The following RAB7B variants were observed in gnomAD, a reference collection of about 807,000 sequenced individuals.
RAB7B encodes RAB7B, member RAS oncogene family.
intron 1 of RAB7B, among the ~76,000 whole-genome samples, chr1:206,002,475 G>C (rs1660906797): frequency 6.6e-6 from 1 of 152,184 alleles, no homozygotes; most frequent in Non-Finnish European, 1.5e-5. Flanking sequence ...CCATCCATCT[G>C]TTCATCTGTC....
chr1:205,985,791 G>GCCCACCAGGCCCACCATC (rs1660590725), intron 4 of RAB7B, 126 bp from the exon 5 acceptor site: 121 of 277,658 alleles, frequency 4.4e-4, no homozygotes, highest in Middle Eastern at 1.8e-3. Flanking sequence ...TCCCCACCAG[G>GCCCACCAGGCCCACCATC]CCCACCATCC....
chr1:205,986,023 T>C (rs1022921132), intron 4 of RAB7B, among the ~76,000 whole-genome samples: 5 of 152,266 alleles, frequency 3.3e-5, no homozygotes, highest in Non-Finnish European at 2.9e-5. Flanking sequence ...TACAGCCCAC[T>C]GCACTTTGTT....
intron 4 of RAB7B, among the ~76,000 whole-genome samples, chr1:205,988,745 C>CGGAG (rs1411128763): frequency 6.6e-6 from 1 of 152,146 alleles, no homozygotes; most frequent in Admixed American, 6.5e-5. Flanking sequence ...GTCCAGGCTG[C>CGGAG]GGAGGCACAT....
At chr1:205,999,269 G>C (rs1357738434) in intron 1 of RAB7B, among the ~76,000 whole-genome samples, 3 of 152,164 alleles carry the variant, frequency 2.0e-5, no homozygotes, top group African/African-American at 7.2e-5. Context: ...CAATGTGTAA[G>C]GCACTCATAC....
intron 1 of RAB7B, among the ~76,000 whole-genome samples, chr1:206,002,081 G>A (rs1274587801): frequency 2.0e-5 from 3 of 152,006 alleles, no homozygotes; most frequent in African/African-American, 7.3e-5. Flanking sequence ...CTCCCCTCCT[G>A]ATCCCATACC....
chr1:205,980,754 C>T (rs1660476874), intron 5 of RAB7B, among the ~76,000 whole-genome samples: 1 of 152,204 alleles, frequency 6.6e-6, no homozygotes, highest in African/African-American at 2.4e-5. Context: ...ATATCTCATG[C>T]TACTGGAGCT....
chr1:205,985,792 C>G, intron 4 of RAB7B, 127 bp from the exon 5 acceptor site: 1 of 418,976 alleles, frequency 2.4e-6, no homozygotes, highest in Non-Finnish European at 4.2e-6. Flanking sequence ...CCCCACCAGG[C>G]CCACCATCCC....
At chr1:205,979,533 A>C (rs1455403046) in intron 5 of RAB7B, among the ~76,000 whole-genome samples, 3 of 151,590 alleles carry the variant, frequency 2.0e-5, no homozygotes, top group African/African-American at 7.3e-5. Flanking sequence ...TCCACTTCTC[A>C]CCAAGAGCCT....
intron 4 of RAB7B, among the ~76,000 whole-genome samples, chr1:205,988,791 G>T (rs1373572833): frequency 6.6e-6 from 1 of 152,166 alleles, no homozygotes; most frequent in Non-Finnish European, 1.5e-5. Context: ...ACATCTGCGG[G>T]ACGGGCTCCG....
intron 4 of RAB7B, among the ~76,000 whole-genome samples, chr1:205,986,041 T>C (rs1660599438): frequency 1.3e-5 from 2 of 152,244 alleles, no homozygotes. Context: ...GTTGCCTTCC[T>C]AAGGCCTAAA....
At chr1:205,997,731 C>G (rs1431274978) in intron 1 of RAB7B, among the ~76,000 whole-genome samples, 1 of 152,142 alleles carries the variant, frequency 6.6e-6, no homozygotes, top group Non-Finnish European at 1.5e-5. Flanking sequence ...AAGCATGGCT[C>G]TCGAAGTATT....
chr1:205,990,664 G>A (rs1660705592), intron 4 of RAB7B, among the ~76,000 whole-genome samples: 2 of 152,156 alleles, frequency 1.3e-5, no homozygotes, highest in African/African-American at 4.8e-5. Flanking sequence ...CAAGACCCTT[G>A]TCATGGGAGG....
At chr1:205,998,035 A>C (rs1256156985) in intron 1 of RAB7B, among the ~76,000 whole-genome samples, 2 of 152,186 alleles carry the variant, frequency 1.3e-5, no homozygotes, top group Non-Finnish European at 2.9e-5. Context: ...CAGGGAGTAA[A>C]TGGAAGAGCT....
chr1:205,992,394 C>T (rs1383236647), intron 4 of RAB7B, 86 bp downstream of exon 4: 8 of 397,920 alleles, frequency 2.0e-5, no homozygotes, highest in African/African-American at 1.2e-4. Flanking sequence ...TGATTCAGCT[C>T]TGTATGTGTG....
chr1:206,001,980 G>A (rs1297166374), intron 1 of RAB7B, among the ~76,000 whole-genome samples: 5 of 152,142 alleles, frequency 3.3e-5, no homozygotes, highest in Non-Finnish European at 7.3e-5. Flanking sequence ...GACAGGAGAC[G>A]AGTGAGCAGG....
intron 4 of RAB7B, among the ~76,000 whole-genome samples, chr1:205,988,454 C>T (rs1046778460): frequency 5.9e-5 from 9 of 152,028 alleles, no homozygotes; most frequent in African/African-American, 1.7e-4. Context: ...AGGATGGTCT[C>T]GAACTCCTGG....
At chr1:205,985,925 C>A (rs1292997432) in intron 4 of RAB7B, among the ~76,000 whole-genome samples, 1 of 144,350 alleles carries the variant, frequency 6.9e-6, no homozygotes, top group African/African-American at 2.6e-5. Context: ...AGCTCCATTT[C>A]ACAGATGAAA....
At chr1:205,989,001 T>C (rs1424037682) in intron 4 of RAB7B, among the ~76,000 whole-genome samples, 1 of 151,948 alleles carries the variant, frequency 6.6e-6, no homozygotes, top group Non-Finnish European at 1.5e-5. Context: ...ACACACCTCA[T>C]CCTCTCCACG....
chr1:206,002,664 C>T (rs1195876017), intron 1 of RAB7B, among the ~76,000 whole-genome samples: 2 of 152,242 alleles, frequency 1.3e-5, no homozygotes, highest in Non-Finnish European at 2.9e-5. Flanking sequence ...CAAAATGCCA[C>T]TGAAGCCCAA....
Sources: gnomAD v4.1 joint callset for allele counts (sites outside exome capture counted in the v4.1 genomes callset) on GRCh38, gnomAD v4.1.1 for gene constraint, MANE v1.5 for transcripts, NCBI Gene and HGNC (gene_info 2026-07-23, HGNC 2026-07-21) for gene names.